The following GALNTL6 variants were observed in gnomAD, a reference collection of about 807,000 sequenced individuals.
The protein encoded by GALNTL6 is polypeptide N-acetylgalactosaminyltransferase like 6, also known as polypeptide N-acetylgalactosaminyltransferase-like 6.
A neutral mutation model predicts 73.7 loss-of-function variants in GALNTL6; 46 were observed. The ratio of observed to expected loss-of-function variants is 0.62; its 90% CI spans 0.49 to 0.80. The LOEUF (loss-of-function observed/expected upper bound fraction) is 0.80, where lower values mean the gene tolerates loss of function less well. Ranked by LOEUF, GALNTL6 falls within the 30% of genes least tolerant of loss-of-function variation. GALNTL6 has a pLI of 0.00. For missense variants in GALNTL6, 604 were observed against 755.0 expected (o/e 0.80, Z 2.34); for synonymous variants, 259 against 263.7 (o/e 0.98, Z 0.17).
intron 12 of GALNTL6, 89 bp downstream of exon 12, chr4:173,021,714 C>A: frequency 7.3e-7 from 1 of 1,374,964 alleles, no homozygotes; most frequent in Non-Finnish European, 1.0e-6. Flanking sequence ...CCGTTTTAGG[C>A]CTGGCGCAGT....
chr4:172,026,414 T>G (rs888670538), intron 2 of GALNTL6, among the ~76,000 whole-genome samples: 5 of 152,240 alleles, frequency 3.3e-5, no homozygotes, highest in Non-Finnish European at 4.4e-5. Flanking sequence ...AATTTTGTAA[T>G]CAGAAAGATG....
At chr4:172,131,761 T>G (rs1212444339) in intron 2 of GALNTL6, among the ~76,000 whole-genome samples, 2 of 151,702 alleles carry the variant, frequency 1.3e-5, no homozygotes, top group Non-Finnish European at 2.9e-5. Flanking sequence ...GGAGTAGAGA[T>G]TGTTTGAGTT....
chr4:172,173,499 G>A (rs1017469601), intron 2 of GALNTL6, among the ~76,000 whole-genome samples: 3 of 152,208 alleles, frequency 2.0e-5, no homozygotes, highest in Admixed American at 2.0e-4. Context: ...ACTCAGCTGA[G>A]CAACCTTCTG....
At chr4:172,614,392 A>G (rs1407568518) in intron 5 of GALNTL6, among the ~76,000 whole-genome samples, 1 of 152,184 alleles carries the variant, frequency 6.6e-6, no homozygotes, top group East Asian at 1.9e-4. Context: ...CAGCTTACAG[A>G]TTCACCAGTC....
intron 8 of GALNTL6, among the ~76,000 whole-genome samples, chr4:172,923,560 C>G (rs1480460776): frequency 6.6e-6 from 1 of 152,176 alleles, no homozygotes; most frequent in Non-Finnish European, 1.5e-5. Flanking sequence ...CTCTATACAA[C>G]CTTCCTGGGA....
intron 12 of GALNTL6, among the ~76,000 whole-genome samples, chr4:173,031,202 G>A (rs1475496208): frequency 7.1e-6 from 1 of 140,762 alleles, no homozygotes; most frequent in Non-Finnish European, 1.6e-5. Context: ...TGCCTTAGCA[G>A]GTTATTCTGA....
At chr4:172,558,005 A>G (rs936187730) in intron 5 of GALNTL6, among the ~76,000 whole-genome samples, 1 of 152,210 alleles carries the variant, frequency 6.6e-6, no homozygotes, top group Non-Finnish European at 1.5e-5. Context: ...ATGTCCATCA[A>G]CAGAAAAACA....
Position 172,308,631 on chromosome 4 carries a change from A to C in GALNTL6, c.248-2983A>C, listed in dbSNP as rs1255915039. Among the ~76,000 whole-genome samples the C allele has an allele frequency of 2.6e-5, 4 of 152,128 alleles. No homozygotes were observed. In the South Asian group the frequency reaches 6.2e-4, roughly 24 times the overall value. On this transcript the variant is annotated intron_variant, in intron 3 of 12. Transcript: ENST00000506823. ...TAGTTCTGTGTATGTGGTGTATCACATTTATTGACTTGCACCTGGCATAAA... is the reference window on the plus strand; with the variant it reads ...TAGTTCTGTGTATGTGGTGTATCACCTTTATTGACTTGCACCTGGCATAAA...
chr4:172,085,435 C>T (rs1732003418), intron 2 of GALNTL6, among the ~76,000 whole-genome samples: 1 of 151,972 alleles, frequency 6.6e-6, no homozygotes, highest in Non-Finnish European at 1.5e-5. Flanking sequence ...TGCCTGTAAT[C>T]CTAGCACTTT....
chr4:172,762,077 A>T (rs1041157067), intron 5 of GALNTL6, among the ~76,000 whole-genome samples: 11 of 152,130 alleles, frequency 7.2e-5, no homozygotes, highest in South Asian at 2.1e-4. Context: ...TTTTCCAATT[A>T]AAAAAAATTC....
At position 171,814,293 on chromosome 4, in the gene GALNTL6, A is replaced by G. The variant is rs181212189; in HGVS notation, c.-169-119A>G. The G allele has an allele frequency of 7.1e-5, 33 of 463,654 alleles. No individual in the cohort carries two copies. The Admixed American group carries it at 1.2e-3, about 17-fold the overall frequency. The allele number at this position is 463,654 out of a possible 1,614,324, so 28.7% of individuals were successfully genotyped here. A position where few individuals can be genotyped will look rare whatever the true frequency, so the allele number is the denominator to read the frequency against. Reference sequence around the variant, plus strand: ...GACCATATTTACTCTATTGCTTTATATTAATGGAGGTCAATGGGCTTAATG... The same window carrying G: ...GACCATATTTACTCTATTGCTTTATGTTAATGGAGGTCAATGGGCTTAATG... On this transcript the variant is annotated intron_variant, in intron 1 of 12. Coordinates refer to ENST00000506823, the MANE Select transcript of GALNTL6 (RefSeq NM_001034845.3).
rs76308808 is a variant in GALNTL6, at chr4:172,618,505, G to A, written c.554-190856G>A. On this transcript the variant is annotated intron_variant, in intron 5 of 12. Transcript: ENST00000506823. ...TTTCTTTGGTAATAAATTTAGTAAA[G>A]AGAGAAATTCTTCTGCACTTTATCT... Among the ~76,000 whole-genome samples, 822 of 152,224 alleles carry A rather than the reference G, an allele frequency of 5.4e-3. 8 individuals are homozygous for A. Among genetic ancestry groups the A allele is most frequent in the African/African-American group, 0.018 (767 of 41,542 alleles).
chr4:172,020,863 T>C (rs190206709), intron 2 of GALNTL6, among the ~76,000 whole-genome samples: 9 of 152,060 alleles, frequency 5.9e-5, no homozygotes, highest in Admixed American at 4.6e-4. Flanking sequence ...AAGAAAACTA[T>C]AGGCCAACAC....
rs1291856161 is a variant in GALNTL6, at chr4:172,233,353, TAA to T, written c.247+3591_247+3592del. On this transcript the variant is annotated intron_variant, in intron 3 of 12. Coordinates refer to ENST00000506823, the MANE Select transcript of GALNTL6 (RefSeq NM_001034845.3). Reference sequence around the variant, plus strand: ...CTGGGCTGGAGACTCTGTCTCTAAATAAATAAATAAATAAATAAATAAATAAA... The same window carrying T: ...CTGGGCTGGAGACTCTGTCTCTAAATATAAATAAATAAATAAATAAATAAA... 1.3e-3 allele frequency among the ~76,000 whole-genome samples: 7 copies of T among 5,486 alleles called. No individual in the cohort carries two copies. In the Non-Finnish European group the frequency reaches 0.13, roughly 102 times the overall value. 3.6% of individuals were successfully genotyped at this position (5,486 alleles called of 152,430 possible). A position where few individuals can be genotyped will look rare whatever the true frequency, so the allele number is the denominator to read the frequency against.
intron 5 of GALNTL6, among the ~76,000 whole-genome samples, chr4:172,639,808 G>A (rs528675465): frequency 6.6e-6 from 1 of 152,054 alleles, no homozygotes; most frequent in East Asian, 1.9e-4. Flanking sequence ...GTTACCATAG[G>A]TGAAATTTCT....
At chr4:171,951,325 TGTAA>T (rs1485275408) in intron 2 of GALNTL6, among the ~76,000 whole-genome samples, 7 of 152,150 alleles carry the variant, frequency 4.6e-5, no homozygotes, top group Admixed American at 1.3e-4. Flanking sequence ...GCTAGAAATA[TGTAA>T]GTATTATAAT....
At chr4:172,977,282 G>GA (rs1277862949) in intron 10 of GALNTL6, among the ~76,000 whole-genome samples, 1 of 152,190 alleles carries the variant, frequency 6.6e-6, no homozygotes, top group African/African-American at 2.4e-5. Flanking sequence ...CCCTTCCATT[G>GA]AAGCTAGGAA....
chr4:171,963,625 C>T (rs1364363922), intron 2 of GALNTL6, among the ~76,000 whole-genome samples: 1 of 152,162 alleles, frequency 6.6e-6, no homozygotes, highest in Non-Finnish European at 1.5e-5. Context: ...GATATGATTT[C>T]AATTAACCCT....
intron 10 of GALNTL6, among the ~76,000 whole-genome samples, chr4:172,968,170 C>G (rs1401322666): frequency 6.6e-6 from 1 of 152,148 alleles, no homozygotes; most frequent in African/African-American, 2.4e-5. Context: ...AAACATCAGA[C>G]AGCAGCAGAT....
Sources: allele counts gnomAD v4.1 joint callset (sites outside exome capture counted in the v4.1 genomes callset), GRCh38; gene constraint gnomAD v4.1.1; transcripts MANE v1.5; gene names NCBI Gene and HGNC (gene_info 2026-07-23, HGNC 2026-07-21).